The following SYNE1 variants were observed in gnomAD, a reference collection of about 807,000 sequenced individuals.
SYNE1 encodes spectrin repeat containing nuclear envelope protein 1.
In SYNE1, 616 loss-of-function variants were observed where a neutral mutation model predicts 1,111.0. The ratio of observed to expected loss-of-function variants is 0.55; its 90% CI spans 0.52 to 0.59. SYNE1 has a LOEUF of 0.59. Ranked by LOEUF, SYNE1 falls within the 20% of genes least tolerant of loss-of-function variation. SYNE1 has a pLI of 0.00. For synonymous variants in SYNE1, 3,855 were observed against 3,825.8 expected (o/e 1.01, Z -0.28); for missense variants, 10,006 against 10,417.0 (o/e 0.96, Z 1.72).
intron 130 of SYNE1, among the ~76,000 whole-genome samples, chr6:152,174,954 G>A (rs2066044058): frequency 6.6e-6 from 1 of 152,220 alleles, no homozygotes; most frequent in South Asian, 2.1e-4. Flanking sequence ...AGCACTTCGG[G>A]AGGCCGAGGC....
Position 152,268,109 on chromosome 6 carries a change from A to G in SYNE1, c.18762T>C (p.Arg6254=), listed in dbSNP as rs766928979. ...AATGTTGAATTAGAATCTCCTCTCC[A>G]CGACTGGCTACTGAGCGAAGGAGAC... The part of the protein sequence containing the change: ...QKSLLRSVAS[R]GEEILIQHSA... Residue 6254 remains arginine (R), a synonymous_variant, in exon 100 of 146, where the codon CGT becomes CGC. Coordinates refer to ENST00000367255, the MANE Select transcript of SYNE1 (RefSeq NM_182961.4). The G allele has an allele frequency of 1.2e-6, 2 of 1,614,108 alleles. No homozygotes were observed. The highest frequency in any genetic ancestry group is 1.7e-6 in the Non-Finnish European group (2 of 1,179,980).
At chr6:152,278,060 A>G (rs751708570) in intron 98 of SYNE1, 29 bp downstream of exon 98, 1 of 1,612,986 alleles carries the variant, frequency 6.2e-7, no homozygotes, top group Non-Finnish European at 8.5e-7. Flanking sequence ...GCCAACTTTC[A>G]GCTGTGGGCC....
Position 152,189,525 on chromosome 6 carries a change from A to G in SYNE1, c.23146-118T>C. On this transcript the variant is annotated intron_variant, in intron 127 of 145. Coordinates refer to ENST00000367255, the MANE Select transcript of SYNE1 (RefSeq NM_182961.4). ...GTATAGCCCTCAATTTAAATATCTA[A>G]CTTGGGATCTAGAGGCACATCATGG... 4.2e-6 allele frequency: 4 copies of G among 953,312 alleles called. No individual in the cohort carries two copies. The South Asian group carries it at 5.8e-5, about 14-fold the overall frequency. 59.1% of individuals were successfully genotyped at this position (953,312 alleles called of 1,614,324 possible).
At chr6:152,326,957 T>C (rs1412665555) in intron 78 of SYNE1, among the ~76,000 whole-genome samples, 1 of 152,186 alleles carries the variant, frequency 6.6e-6, no homozygotes, top group African/African-American at 2.4e-5. Flanking sequence ...TGTGGCAGAC[T>C]GGATGTTTAT....
At chr6:152,363,452 C>G (rs1040653440) in intron 63 of SYNE1, among the ~76,000 whole-genome samples, 37 of 150,732 alleles carry the variant, frequency 2.5e-4, no homozygotes, top group Non-Finnish European at 5.0e-4. Flanking sequence ...CGAGATCGTG[C>G]CACTGCACTG....
chr6:152,244,570 C>T lies in SYNE1; in HGVS notation c.19659G>A (p.Glu6553=), dbSNP rs1470548961. 2 of 1,614,120 alleles carry T rather than the reference C, an allele frequency of 1.2e-6. No individual in the cohort carries two copies. The highest frequency in any genetic ancestry group is 1.7e-6 in the Non-Finnish European group (2 of 1,179,974). The change falls in exon 106 of 146, where the codon GAG becomes GAA. Residue 6553 remains glutamate (E), a synonymous_variant. Coordinates refer to ENST00000367255, the MANE Select transcript of SYNE1 (RefSeq NM_182961.4). ...LKRRGDKLQV[E]QPSMQELSKL... ...TGGAGAGTTCTTGCATGGACGGCTG[C>T]TCGACCTGTAGCTTGTCACCACGCC... is the stretch of plus-strand genomic sequence containing the variant.
At chr6:152,179,058 C>T (rs1317492969) in intron 129 of SYNE1, among the ~76,000 whole-genome samples, 1 of 151,858 alleles carries the variant, frequency 6.6e-6, no homozygotes, top group Admixed American at 6.6e-5. Context: ...GGACTACAGG[C>T]ATGTGCCACC....
intron 29 of SYNE1, among the ~76,000 whole-genome samples, chr6:152,446,293 T>C (rs540179044): frequency 1.5e-4 from 23 of 152,094 alleles, no homozygotes; most frequent in South Asian, 8.3e-4. Flanking sequence ...ACTGGCTAAA[T>C]GTGGCCGTTG....
At chr6:152,304,820 C>A (rs181504176) in intron 91 of SYNE1, among the ~76,000 whole-genome samples, 2 of 152,274 alleles carry the variant, frequency 1.3e-5, no homozygotes, top group East Asian at 3.9e-4. Context: ...TTAAAAAATG[C>A]AACTCTGGTC....
intron 137 of SYNE1, 55 bp downstream of exon 137, chr6:152,147,990 A>G: frequency 6.8e-7 from 1 of 1,465,532 alleles, no homozygotes; most frequent in Non-Finnish European, 9.5e-7. Flanking sequence ...CCAGGGCAAT[A>G]TTAATTCCCT....
At chr6:152,377,623 AAAAAAAAAAAAAAAAAAATAT>A (rs1174908438) in intron 56 of SYNE1, among the ~76,000 whole-genome samples, 9 of 103,872 alleles carry the variant, frequency 8.7e-5, no homozygotes, top group African/African-American at 3.9e-4. Flanking sequence ...AAAAAAAAAA[AAAAAAAAAAAAAAAAAAATAT>A]ATATATATAT....
intron 107 of SYNE1, among the ~76,000 whole-genome samples, chr6:152,241,794 G>A (rs545483764): frequency 1.3e-5 from 2 of 152,286 alleles, no homozygotes; most frequent in East Asian, 1.9e-4. Flanking sequence ...AGGAGTGAGC[G>A]AGGAGTCCTT....
Position 152,441,220 on chromosome 6 carries a change from T to C in SYNE1, c.4059A>G (p.Val1353=), listed in dbSNP as rs769854299. ...TGGAACCTGTTTGAAAAAGGTATCT[T>C]ACTACTGTTTCTTTGTTTGTTTCAA... is the stretch of plus-strand genomic sequence containing the variant. The part of the protein sequence containing the change: ...ERFETNKETV[V]RYLFQTGSSH... The change falls in exon 32 of 146, where the codon GTA becomes GTG. Residue 1353 remains valine (V), a synonymous_variant. Transcript: ENST00000367255. The C allele has an allele frequency of 3.2e-5, 52 of 1,612,212 alleles. No individual in the cohort carries two copies. Among genetic ancestry groups the C allele is most frequent in the Non-Finnish European group, 4.3e-5 (51 of 1,178,878 alleles).
At chr6:152,293,468 T>G in intron 95 of SYNE1, 120 bp downstream of exon 95, 1 of 1,031,068 alleles carries the variant, frequency 9.7e-7, no homozygotes, top group Non-Finnish European at 1.5e-6. Flanking sequence ...GAAGAACTGA[T>G]AAGGTTAAAA....
In SYNE1 at chr6:152,430,665, T is replaced by C. The variant is rs1365221399; in HGVS notation, c.4506A>G (p.Gly1502=). 1.9e-6 allele frequency: 3 copies of C among 1,614,024 alleles called. No individual in the cohort carries two copies. The highest frequency in any genetic ancestry group is 2.5e-6 in the Non-Finnish European group (3 of 1,179,998). ...EIESKLSSIV[G]LEEEAQSFAQ... Reference sequence around the variant, plus strand: ...CAAAAGACTGGGCTTCTTCTTCTAATCCTACAATGCTGCTGAGCTTACTTT... The same window carrying C: ...CAAAAGACTGGGCTTCTTCTTCTAACCCTACAATGCTGCTGAGCTTACTTT... The change falls in exon 35 of 146, where the codon GGA becomes GGG. Residue 1502 remains glycine, a synonymous_variant. Transcript: ENST00000367255.
chr6:152,325,127 A>G lies in SYNE1; in HGVS notation c.15614T>C (p.Ile5205Thr), dbSNP rs1438339530. The G allele has an allele frequency of 6.2e-7, 1 of 1,614,076 alleles. No homozygotes were observed. The highest frequency in any genetic ancestry group is 1.3e-5 in the African/African-American group (1 of 74,912). ...LRAVAQDQEK[I>T]LEDAVDEWTG... ...CCACTCATCCACTGCATCTTCCAGG[A>G]TCTTCTCCTGGTCCTGGGCCACAGC... Residue 5205 changes from isoleucine (I) to threonine (T), a missense_variant, in exon 81 of 146, where the codon ATC (isoleucine) becomes ACC (threonine). Physicochemically the swap from Ile to Thr is moderately conservative, Grantham distance 89. Around this residue, in one of 7 missense-constraint regions of SYNE1, gnomAD observed 4,955 missense variants for 5,017.2 expected, o/e 0.99. Transcript: ENST00000367255.
intron 142 of SYNE1, chr6:152,134,609 A>G: frequency 6.0e-6 from 1 of 167,890 alleles, no homozygotes. Context: ...CGAATCCCGG[A>G]GGCGGAGATT....
chr6:152,389,083 C>A lies in SYNE1; in HGVS notation c.8177+1197G>T, dbSNP rs535741499. Among the ~76,000 whole-genome samples the A allele has an allele frequency of 5.4e-5, 8 of 147,948 alleles. No homozygotes were observed. The East Asian group carries it at 7.7e-4, about 14-fold the overall frequency. On this transcript the variant is annotated intron_variant, in intron 53 of 145. Coordinates refer to ENST00000367255, the MANE Select transcript of SYNE1 (RefSeq NM_182961.4). ...AATGAAAAAACAACAATAATAACAACAACAAAAAAACCCTCCAAATTGTTA... is the reference window on the plus strand; with the variant it reads ...AATGAAAAAACAACAATAATAACAAAAACAAAAAAACCCTCCAAATTGTTA...
chr6:152,453,419 A>G, intron 25 of SYNE1, 167 bp downstream of exon 25: 2 of 866,936 alleles, frequency 2.3e-6, no homozygotes, highest in Non-Finnish European at 3.8e-6. Flanking sequence ...ATTCTATCAT[A>G]TATTATCAGG....
Sources: gnomAD v4.1 joint callset for allele counts (sites outside exome capture counted in the v4.1 genomes callset) on GRCh38, gnomAD v4.1.1 for gene constraint, gnomAD v4.1.1 regional missense constraint, MANE v1.5 for transcripts, NCBI Gene and HGNC (gene_info 2026-07-23, HGNC 2026-07-21) for gene names.